The following LRRC49 variants were observed in gnomAD, a reference collection of about 807,000 sequenced individuals.
LRRC49 encodes the protein leucine-rich repeat-containing protein 49.
Under a neutral mutation model 83.3 loss-of-function variants are expected in LRRC49, and 50 were observed. That is an observed-to-expected ratio of 0.60 (90% CI 0.48 to 0.76). The LOEUF (loss-of-function observed/expected upper bound fraction) is 0.76. Ranked by LOEUF, LRRC49 falls within the 30% of genes least tolerant of loss-of-function variation. LRRC49 has a pLI of 0.00. For missense variants in LRRC49, 704 were observed against 809.1 expected, an observed-to-expected ratio of 0.87 and a Z score of 1.58; for synonymous variants, 286 against 283.3, an observed-to-expected ratio of 1.01 and a Z score of -0.10.
At chr15:70,968,816 T>C (rs117246690) in intron 9 of LRRC49, among the ~76,000 whole-genome samples, 3,285 of 152,326 alleles carry the variant, frequency 0.022, 50 homozygotes, top group Non-Finnish European at 0.031. Flanking sequence ...TTCCCCCACT[T>C]TCTGATGGGG....
At chr15:70,989,449 T>C (rs1167650379) in intron 11 of LRRC49, among the ~76,000 whole-genome samples, 3 of 152,228 alleles carry the variant, frequency 2.0e-5, no homozygotes, top group Non-Finnish European at 4.4e-5. Context: ...TCTGCATTCT[T>C]CACGTAGTTC....
At chr15:70,856,882 G>A (rs1168548475) in intron 1 of LRRC49, among the ~76,000 whole-genome samples, 1 of 152,148 alleles carries the variant, frequency 6.6e-6, no homozygotes, top group African/African-American at 2.4e-5. Context: ...GAAGAAACCA[G>A]GGCTTTTAAA....
At position 71,010,809 on chromosome 15, in the gene LRRC49, G is replaced by GA. The variant is rs912267904; in HGVS notation, c.1593+827dup. ...ACTAAATTTAAACACTCCTCCAGAG[G>GA]AAAAAAAAAACATCTTTAATATGTT... On this transcript the variant is annotated intron_variant, in intron 13 of 15. Coordinates refer to ENST00000260382, the MANE Select transcript of LRRC49 (RefSeq NM_017691.5). Among the ~76,000 whole-genome samples the GA allele has an allele frequency of 1.1e-3, 157 of 146,760 alleles. 1 individual carries two copies. Among genetic ancestry groups the GA allele is most frequent in the Admixed American group, 2.4e-3 (36 of 14,742 alleles).
At chr15:70,969,830 A>T (rs1221181724) in intron 9 of LRRC49, among the ~76,000 whole-genome samples, 1 of 152,152 alleles carries the variant, frequency 6.6e-6, no homozygotes, top group East Asian at 1.9e-4. Flanking sequence ...TTGATTTTGT[A>T]TCCTGAGACT....
intron 1 of LRRC49, among the ~76,000 whole-genome samples, chr15:70,861,780 C>G (rs2032795704): frequency 1.3e-5 from 2 of 152,140 alleles, no homozygotes; most frequent in African/African-American, 4.8e-5. Flanking sequence ...AGACCCTTAG[C>G]CGGGCATGGT....
chr15:71,019,300 C>A (rs2038922898), intron 14 of LRRC49, among the ~76,000 whole-genome samples: 1 of 152,132 alleles, frequency 6.6e-6, no homozygotes, highest in Admixed American at 6.5e-5. Flanking sequence ...GGCTCACACA[C>A]CCCAGTTACC....
intron 8 of LRRC49, among the ~76,000 whole-genome samples, chr15:70,962,616 AG>A (rs1324894855): frequency 1.3e-5 from 2 of 152,142 alleles, no homozygotes; most frequent in African/African-American, 4.8e-5. Flanking sequence ...GCTCAGAAAA[AG>A]AAAAAAAAAA....
intron 15 of LRRC49, among the ~76,000 whole-genome samples, chr15:71,046,568 G>A (rs923942557): frequency 2.0e-5 from 3 of 151,984 alleles, no homozygotes; most frequent in African/African-American, 7.2e-5. Flanking sequence ...TTTGCTTGGT[G>A]ATTTAAGTTC....
At chr15:71,028,871 T>G (rs2039258979) in intron 14 of LRRC49, among the ~76,000 whole-genome samples, 1 of 152,164 alleles carries the variant, frequency 6.6e-6, no homozygotes, top group Non-Finnish European at 1.5e-5. Flanking sequence ...GTCCGTCTAC[T>G]TTGTTAATCT....
chr15:70,963,195 G>A (rs2036668596), intron 8 of LRRC49, among the ~76,000 whole-genome samples: 1 of 149,356 alleles, frequency 6.7e-6, no homozygotes, highest in African/African-American at 2.5e-5. Context: ...AGGATTGCTC[G>A]AGCCCAAGAG....
chr15:70,871,645 G>A (rs1402258602), intron 1 of LRRC49, among the ~76,000 whole-genome samples: 2 of 151,670 alleles, frequency 1.3e-5, no homozygotes, highest in African/African-American at 2.4e-5. Context: ...CAGACGGGGC[G>A]GCTGCTGGGC....
At chr15:70,978,116 T>A (rs926150771) in intron 9 of LRRC49, among the ~76,000 whole-genome samples, 5 of 152,282 alleles carry the variant, frequency 3.3e-5, no homozygotes, top group Admixed American at 3.3e-4. Flanking sequence ...ATTTTCATAG[T>A]CTCTTTGACC....
intron 14 of LRRC49, among the ~76,000 whole-genome samples, chr15:71,031,313 T>A (rs1293305298): frequency 3.3e-5 from 5 of 151,790 alleles, no homozygotes. Flanking sequence ...CACCTGGGTA[T>A]CACCAGTGGA....
At chr15:71,011,034 A>G (rs1462794194) in intron 13 of LRRC49, among the ~76,000 whole-genome samples, 1 of 152,132 alleles carries the variant, frequency 6.6e-6, no homozygotes, top group Non-Finnish European at 1.5e-5. Flanking sequence ...TGAAATTTGC[A>G]TCAACCATGG....
intron 8 of LRRC49, among the ~76,000 whole-genome samples, chr15:70,945,182 G>T (rs905765739): frequency 6.6e-6 from 1 of 152,114 alleles, no homozygotes; most frequent in African/African-American, 2.4e-5. Flanking sequence ...TACCCAGTGA[G>T]ACCTCTGTTC....
rs1028244021 is a variant in LRRC49 at position 71,051,639 on chromosome 15, C to T, written c.*2027C>T. On this transcript the variant is annotated 3_prime_UTR_variant, in exon 16 of 16. Coordinates refer to ENST00000260382, the MANE Select transcript of LRRC49 (RefSeq NM_017691.5). ...AGGCTTTGCAGATGAATGGACCTAG[C>T]TGTTTAGTAATCTGTCCAGCTTCCT... 1 of 152,234 alleles carries T rather than the reference C, an allele frequency of 6.6e-6. No homozygotes were observed. Among genetic ancestry groups the T allele is most frequent in the African/African-American group, 2.4e-5 (1 of 41,436 alleles). The allele number at this position is 152,234 out of a possible 1,614,324, so 9.4% of individuals were successfully genotyped here. A position where few individuals can be genotyped will look rare whatever the true frequency, so the allele number is the denominator to read the frequency against.
At chr15:71,010,020 A>G in intron 13 of LRRC49, 28 bp downstream of exon 13, 1 of 1,358,910 alleles carries the variant, frequency 7.4e-7, no homozygotes, top group African/African-American at 1.5e-5. Flanking sequence ...TGAACTATAG[A>G]ATAAAAATAT....
At chr15:70,959,851 A>G (rs2036545796) in intron 8 of LRRC49, among the ~76,000 whole-genome samples, 1 of 152,236 alleles carries the variant, frequency 6.6e-6, no homozygotes, top group African/African-American at 2.4e-5. Context: ...GGTTAAAATA[A>G]ACAGATGATC....
At chr15:71,026,038 G>A (rs1297885120) in intron 14 of LRRC49, among the ~76,000 whole-genome samples, 1 of 151,938 alleles carries the variant, frequency 6.6e-6, no homozygotes, top group South Asian at 2.1e-4. Context: ...ATATCTACAG[G>A]TATTTCTCCT....
Sources: gnomAD v4.1 joint callset for allele counts (sites outside exome capture counted in the v4.1 genomes callset) on GRCh38, gnomAD v4.1.1 for gene constraint, MANE v1.5 for transcripts, NCBI Gene and HGNC (gene_info 2026-07-23, HGNC 2026-07-21) for gene names.